Variants in COL28A1 observed in about 807,000 individuals in gnomAD.
COL28A1 encodes the protein collagen alpha-1(XXVIII) chain.
COL28A1 carries 161 observed loss-of-function variants against 150.2 expected under a neutral mutation model. That is an observed-to-expected ratio of 1.07 (90% CI 0.94 to 1.22). COL28A1 has a LOEUF of 1.22. Ranked by LOEUF, COL28A1 falls within the 50% of genes most tolerant of loss-of-function variation. The pLI is 0.00. For synonymous variants in COL28A1, 552 were observed against 469.7 expected (o/e 1.18, Z -2.26); for missense variants, 1,617 against 1,388.3 (o/e 1.16, Z -2.62).
intron 25 of COL28A1, among the ~76,000 whole-genome samples, chr7:7,428,072 CAG>C (rs1784744152): frequency 6.6e-6 from 1 of 152,146 alleles, no homozygotes; most frequent in African/African-American, 2.4e-5. Context: ...ATCTATAAAA[CAG>C]GGGGACTGTT....
chr7:7,483,241 G>T (rs1779444872), intron 13 of COL28A1, among the ~76,000 whole-genome samples: 2 of 152,130 alleles, frequency 1.3e-5, no homozygotes, highest in African/African-American at 4.8e-5. Context: ...ATTGTAAGTT[G>T]GGAACCATCT....
chr7:7,458,390 T>C (rs113335718), intron 15 of COL28A1, among the ~76,000 whole-genome samples: 5,912 of 151,364 alleles, frequency 0.039, 419 homozygotes, highest in African/African-American at 0.14. Context: ...CACTCCAGCC[T>C]GGACAACAAG....
the COL28A1 span, among the ~76,000 whole-genome samples, chr7:7,345,413 T>G: frequency 6.6e-6 from 1 of 152,080 alleles, no homozygotes. Flanking sequence ...GTATATTATT[T>G]TTACCTACAT....
At chr7:7,509,140 G>GT (rs993587738) in intron 9 of COL28A1, among the ~76,000 whole-genome samples, 11 of 151,442 alleles carry the variant, frequency 7.3e-5, no homozygotes, top group South Asian at 2.1e-4. Context: ...AGCCTATTTT[G>GT]TTTTTTTTGA....
intron 27 of COL28A1, among the ~76,000 whole-genome samples, chr7:7,399,977 C>T (rs534407265): frequency 6.6e-6 from 1 of 152,352 alleles, no homozygotes; most frequent in African/African-American, 2.4e-5. Context: ...ATGGGGCCTC[C>T]AAGCAAAGCA....
intron 11 of COL28A1, among the ~76,000 whole-genome samples, chr7:7,503,879 T>C (rs1307154922): frequency 6.6e-6 from 1 of 152,176 alleles, no homozygotes; most frequent in East Asian, 1.9e-4. Context: ...ATCTAGAAAT[T>C]GACAGCTTTT....
intron 22 of COL28A1, among the ~76,000 whole-genome samples, 171 bp from the exon 23 acceptor site, chr7:7,436,634 T>C (rs1785364542): frequency 6.6e-6 from 1 of 152,156 alleles, no homozygotes; most frequent in Non-Finnish European, 1.5e-5. Flanking sequence ...CCTAAGTAAA[T>C]AACACCTGTC....
intron 3 of COL28A1, among the ~76,000 whole-genome samples, chr7:7,528,064 T>C (rs1319950348): frequency 6.6e-6 from 1 of 152,206 alleles, no homozygotes; most frequent in African/African-American, 2.4e-5. Context: ...AAAGATGATA[T>C]AGACATCATC....
At chr7:7,499,018 A>G (rs1562840347) in intron 11 of COL28A1, among the ~76,000 whole-genome samples, 3 of 152,062 alleles carry the variant, frequency 2.0e-5, no homozygotes, top group Non-Finnish European at 1.5e-5. Context: ...CTGACATCCC[A>G]CATGTTCTGG....
rs773423270 is a variant in COL28A1 at position 7,373,317 on chromosome 7, C to A, written c.2589G>T (p.Leu863Phe). The change falls in exon 32 of 35, where the codon TTG becomes TTT. Residue 863 changes from leucine to phenylalanine, a missense_variant. Leu to Phe is a conservative substitution (Grantham distance 22, BLOSUM62 0). Coordinates refer to ENST00000399429, the MANE Select transcript of COL28A1 (RefSeq NM_001037763.3). This position sits in a 1 kb window ranked among gnomAD's most constrained non-coding sequence, Gnocchi z 4.1. ...CCAGATACTGCATGTTGTCCACAGC[C>A]AACTTGAAGTCATCCTTGCTGGAGA... ...KQFSSKDDFK[L>F]AVDNMQYLGE... 1.2e-6 allele frequency: 2 copies of A among 1,614,150 alleles called. No homozygotes were observed. Among genetic ancestry groups the A allele is most frequent in the South Asian group, 2.2e-5 (2 of 91,082 alleles).
chr7:7,374,762 G>T (rs1047526173), intron 31 of COL28A1, among the ~76,000 whole-genome samples: 1 of 152,270 alleles, frequency 6.6e-6, no homozygotes, highest in Middle Eastern at 3.4e-3. Context: ...AGACTCCCAG[G>T]CTGCTTCTTA....
chr7:7,456,082 G>A lies in COL28A1; in HGVS notation c.1333C>T (p.Pro445Ser). 6.2e-7 allele frequency: 1 copy of A among 1,613,764 alleles called. No individual in the cohort carries two copies. Among genetic ancestry groups the A allele is most frequent in the Non-Finnish European group, 8.5e-7 (1 of 1,179,848 alleles). ...CTCCCGATTCCAGGGATACCCATTG[G>A]TCCTTGGGGTCCCACAGGTCCTATA... ...GDIGPVGPQG[P>S]MGIPGIGSQG... Residue 445 changes from proline to serine, a missense_variant, in exon 16 of 35, where the codon CCA becomes TCA. By Grantham distance (74) the Pro-to-Ser change is moderately conservative. Coordinates refer to ENST00000399429, the MANE Select transcript of COL28A1 (RefSeq NM_001037763.3).
intron 10 of COL28A1, among the ~76,000 whole-genome samples, chr7:7,506,772 T>C (rs756060506): frequency 2.0e-5 from 3 of 152,200 alleles, no homozygotes; most frequent in Non-Finnish European, 2.9e-5. Context: ...AACTACATTA[T>C]AGTAGCAGTG....
intron 25 of COL28A1, among the ~76,000 whole-genome samples, chr7:7,424,473 C>T (rs1784545397): frequency 6.6e-6 from 1 of 152,114 alleles, no homozygotes; most frequent in Admixed American, 6.5e-5. Flanking sequence ...TTTTCAGATA[C>T]ACAGTTTATT....
chr7:7,343,863 T>G, the COL28A1 span, among the ~76,000 whole-genome samples: 1 of 151,892 alleles, frequency 6.6e-6, no homozygotes, highest in African/African-American at 2.4e-5. Flanking sequence ...CAAAAATTAG[T>G]TGGACATGGT....
intron 15 of COL28A1, among the ~76,000 whole-genome samples, chr7:7,459,743 C>G (rs1787457287): frequency 6.6e-6 from 1 of 152,172 alleles, no homozygotes; most frequent in Non-Finnish European, 1.5e-5. Flanking sequence ...AAAGCAATCC[C>G]TAACAACGAG....
At chr7:7,462,280 G>A (rs898223621) in intron 15 of COL28A1, among the ~76,000 whole-genome samples, 7 of 152,052 alleles carry the variant, frequency 4.6e-5, no homozygotes, top group African/African-American at 1.7e-4. Flanking sequence ...AAATGAGAAG[G>A]AAACAGAAAA....
intron 13 of COL28A1, among the ~76,000 whole-genome samples, chr7:7,480,237 C>T (rs1454451058): frequency 6.6e-6 from 1 of 152,142 alleles, no homozygotes; most frequent in African/African-American, 2.4e-5. Context: ...TTTGTCTTTC[C>T]CTAATGTTTT....
chr7:7,424,043 T>A (rs1481028955), intron 25 of COL28A1, among the ~76,000 whole-genome samples: 1 of 152,230 alleles, frequency 6.6e-6, no homozygotes, highest in African/African-American at 2.4e-5. Context: ...CATATAGCTA[T>A]GTTTCACATA....
Sources: gnomAD v4.1 joint callset for allele counts (sites outside exome capture counted in the v4.1 genomes callset) on GRCh38, gnomAD v4.1.1 for gene constraint, Gnocchi (gnomAD v3.1) non-coding constraint, MANE v1.5 for transcripts, NCBI Gene and HGNC (gene_info 2026-07-23, HGNC 2026-07-21) for gene names.